Variants in BDP1 observed in about 807,000 individuals in gnomAD.
BDP1 encodes transcription factor TFIIIB component B'' homolog.
Under a neutral mutation model 266.6 loss-of-function variants are expected in BDP1, and 169 were observed. The observed-to-expected ratio is 0.63, with a 90% CI of 0.56 to 0.72. BDP1 has a LOEUF of 0.72. Ranked by LOEUF, BDP1 falls within the 30% of genes least tolerant of loss-of-function variation. The pLI, the probability that BDP1 is intolerant of heterozygous loss-of-function variation, is 0.00. For synonymous variants in BDP1, 1,090 were observed against 1,022.4 expected (o/e 1.07, Z -1.26); for missense variants, 3,015 against 3,053.8 (o/e 0.99, Z 0.30).
chr5:71,462,114 C>T (rs1053907462), intron 3 of BDP1, among the ~76,000 whole-genome samples, 188 bp downstream of exon 3: 2 of 152,020 alleles, frequency 1.3e-5, no homozygotes, highest in Non-Finnish European at 2.9e-5. Flanking sequence ...AGATGCTCGC[C>T]ACCACACCCG....
At chr5:71,506,240 TACTC>T (rs1186564093) in intron 16 of BDP1, among the ~76,000 whole-genome samples, 2 of 152,206 alleles carry the variant, frequency 1.3e-5, no homozygotes, top group Non-Finnish European at 2.9e-5. Flanking sequence ...CTGTAACTAA[TACTC>T]AATCTGATCT....
intron 30 of BDP1, among the ~76,000 whole-genome samples, chr5:71,542,531 A>G (rs931348013): frequency 6.6e-6 from 1 of 151,784 alleles, no homozygotes; most frequent in Non-Finnish European, 1.5e-5. Flanking sequence ...TCTCTCTCTC[A>G]TAGTTGACCC....
chr5:71,465,358 C>T (rs1383795486), intron 4 of BDP1, among the ~76,000 whole-genome samples: 1 of 151,960 alleles, frequency 6.6e-6, no homozygotes, highest in Non-Finnish European at 1.5e-5. Context: ...AACTCTTGGC[C>T]TCAAGAGATA....
chr5:71,465,758 G>A (rs1249600506), intron 4 of BDP1, among the ~76,000 whole-genome samples: 2 of 152,132 alleles, frequency 1.3e-5, no homozygotes, highest in African/African-American at 4.8e-5. Context: ...GTGCGCGCCT[G>A]TAATCCCAGC....
intron 25 of BDP1, among the ~76,000 whole-genome samples, chr5:71,526,394 A>G (rs1043629501): frequency 6.6e-6 from 1 of 151,330 alleles, no homozygotes; most frequent in Non-Finnish European, 1.5e-5. Context: ...AGGTGGGTGG[A>G]TCATCTGAGG....
At chr5:71,537,038 G>A (rs1055402041) in intron 26 of BDP1, among the ~76,000 whole-genome samples, 3 of 149,608 alleles carry the variant, frequency 2.0e-5, no homozygotes, top group African/African-American at 7.4e-5. Flanking sequence ...TAAGGCAGGA[G>A]AATTGCTTGA....
At chr5:71,487,727 A>G (rs1352567542) in intron 9 of BDP1, among the ~76,000 whole-genome samples, 1 of 152,330 alleles carries the variant, frequency 6.6e-6, no homozygotes, top group East Asian at 1.9e-4. Flanking sequence ...AGGATTCAGC[A>G]TCCTCTGCCT....
intron 26 of BDP1, among the ~76,000 whole-genome samples, 197 bp downstream of exon 26, chr5:71,532,624 T>G (rs905755683): frequency 1.3e-5 from 2 of 152,216 alleles, no homozygotes; most frequent in Non-Finnish European, 2.9e-5. Flanking sequence ...CTTAATATCC[T>G]CATAGACTTT....
chr5:71,464,715 G>GTTTTTTTT (rs567761591), intron 4 of BDP1, among the ~76,000 whole-genome samples: 12 of 88,086 alleles, frequency 1.4e-4, no homozygotes, highest in East Asian at 4.0e-4. Flanking sequence ...AAATTTTTTA[G>GTTTTTTTT]TTTTTTTTTT....
intron 3 of BDP1, among the ~76,000 whole-genome samples, chr5:71,463,114 T>A (rs1346284956): frequency 1.3e-5 from 2 of 150,072 alleles, no homozygotes; most frequent in Non-Finnish European, 3.0e-5. Context: ...CTGTCTCATT[T>A]AAAAAAAAAA....
Position 71,512,329 on chromosome 5 carries a change from A to G in BDP1, c.4148A>G (p.His1383Arg), listed in dbSNP as rs1764973097. 1.2e-6 allele frequency: 2 copies of G among 1,602,138 alleles called. No individual in the cohort carries two copies. Among genetic ancestry groups the G allele is most frequent in the East Asian group, 4.5e-5 (2 of 44,628 alleles). ...AAAGAAGTATCAAGTCACTTCAGTC[A>G]TTTCAAGATTTCTTCACAGACTCAT... ...SEKEVSSHFS[H>R]FKISSQTHES... The change falls in exon 18 of 39, where the codon CAT becomes CGT. Residue 1383 changes from histidine to arginine, a missense_variant. Physicochemically the swap from His to Arg is conservative, Grantham distance 29. This residue lies in a region of BDP1 where 2,383 missense variants were observed against 2,404.9 expected (regional missense o/e 0.99). Coordinates refer to ENST00000358731, the MANE Select transcript of BDP1 (RefSeq NM_018429.3).
intron 30 of BDP1, among the ~76,000 whole-genome samples, chr5:71,543,044 T>C (rs982913761): frequency 6.6e-6 from 1 of 152,044 alleles, no homozygotes; most frequent in Non-Finnish European, 1.5e-5. Context: ...TCCCAGCACT[T>C]TGGGAAGCCA....
chr5:71,484,527 G>A (rs1763143202), intron 8 of BDP1, among the ~76,000 whole-genome samples: 1 of 152,032 alleles, frequency 6.6e-6, no homozygotes, highest in Non-Finnish European at 1.5e-5. Context: ...TGTCTGAAGA[G>A]ATACACTAGC....
At chr5:71,512,123 T>G (rs868727434) in intron 17 of BDP1, 118 bp from the exon 18 acceptor site, 1 of 504,626 alleles carries the variant, frequency 2.0e-6, no homozygotes, top group Non-Finnish European at 3.3e-6. Flanking sequence ...ATTCAAAAAT[T>G]AAAAACTTCT....
chr5:71,556,110 C>G (rs976491138), intron 35 of BDP1, among the ~76,000 whole-genome samples: 1 of 151,986 alleles, frequency 6.6e-6, no homozygotes, highest in Non-Finnish European at 1.5e-5. Flanking sequence ...TGAGTTTTAT[C>G]TTTTTTGTTG....
rs1267855829 is a variant in BDP1, at chr5:71,567,697, A to G, written c.*2812A>G. On this transcript the variant is annotated 3_prime_UTR_variant, in exon 39 of 39. Transcript: ENST00000358731. ...ATTTGAAACAAAAGTGACCATGTAT[A>G]CTATCTTGCTTGAAGAAGTCTTTGA... is the stretch of plus-strand genomic sequence containing the variant. The G allele has an allele frequency of 6.6e-6, 1 of 152,622 alleles. No homozygotes were observed. Among genetic ancestry groups the G allele is most frequent in the Non-Finnish European group, 1.5e-5 (1 of 68,038 alleles). 9.5% of individuals were successfully genotyped at this position (152,622 alleles called of 1,614,324 possible).
At chr5:71,486,389 C>A in intron 8 of BDP1, 95 bp from the exon 9 acceptor site, 1 of 1,054,322 alleles carries the variant, frequency 9.5e-7, no homozygotes, top group Non-Finnish European at 1.3e-6. Context: ...TACTGATAAA[C>A]AAACCCATTT....
At chr5:71,524,636 T>A (rs1397327158) in intron 25 of BDP1, among the ~76,000 whole-genome samples, 6 of 117,996 alleles carry the variant, frequency 5.1e-5, no homozygotes, top group Non-Finnish European at 7.8e-5. Flanking sequence ...TTTATTTATT[T>A]TTTATTTATT....
Position 71,495,413 on chromosome 5 carries a change from G to A in BDP1, c.1799+5G>A. 4 of 1,549,418 alleles carry A rather than the reference G, an allele frequency of 2.6e-6. No homozygotes were observed. The South Asian group carries it at 3.7e-5, about 14-fold the overall frequency. On this transcript the variant is annotated splice_donor_5th_base_variant and intron_variant, in intron 12 of 38. Transcript: ENST00000358731. ...TGACCTAAAAAATAATTCACTGTAA[G>A]TATTTTATACGATAGGATTTATTTA...
Sources: gnomAD v4.1 joint callset for allele counts (sites outside exome capture counted in the v4.1 genomes callset) on GRCh38, gnomAD v4.1.1 for gene constraint, gnomAD v4.1.1 regional missense constraint, MANE v1.5 for transcripts, NCBI Gene and HGNC (gene_info 2026-07-23, HGNC 2026-07-21) for gene names.